The following MGAT4C variants were observed in gnomAD, a reference collection of about 807,000 sequenced individuals.
MGAT4C encodes the protein alpha-1,3-mannosyl-glycoprotein 4-beta-N-acetylglucosaminyltransferase C.
A neutral mutation model predicts 40.1 loss-of-function variants in MGAT4C; 19 were observed. The observed-to-expected ratio is 0.47, with a 90% CI of 0.33 to 0.70. MGAT4C has a LOEUF of 0.70. MGAT4C is among the 30% of genes least tolerant of loss of function. The pLI is 0.02. For synonymous variants in MGAT4C, 181 were observed against 187.1 expected, an observed-to-expected ratio of 0.97 and a Z score of 0.27; for missense variants, 491 against 563.2, an observed-to-expected ratio of 0.87 and a Z score of 1.30.
Position 85,958,903 on chromosome 12 carries a change from C to T in MGAT4C, c.*20386G>A, listed in dbSNP as rs1361872630. 2 of 151,770 alleles carry T rather than the reference C, an allele frequency of 1.3e-5. No homozygotes were observed. Among genetic ancestry groups the T allele is most frequent in the Non-Finnish European group, 2.9e-5 (2 of 67,944 alleles). 9.4% of individuals were successfully genotyped at this position (151,770 alleles called of 1,614,324 possible). The stretch of plus-strand genomic sequence containing the variant: ...ATTAAGTTGTATAAAATTTTACAAA[C>T]TTTATATTTTTGCATACACTTATCT... On this transcript the variant is annotated 3_prime_UTR_variant, in exon 5 of 5. Coordinates refer to ENST00000611864, the MANE Select transcript of MGAT4C (RefSeq NM_001351288.2).
chr12:86,004,037 CT>C (rs1233276910), intron 2 of MGAT4C, among the ~76,000 whole-genome samples: 1 of 152,050 alleles, frequency 6.6e-6, no homozygotes, highest in African/African-American at 2.4e-5. Flanking sequence ...ACAGTGTTGC[CT>C]TTTCAAAACA....
chr12:86,682,739 T>C (rs552856831), intron 2 of MGAT4C, among the ~76,000 whole-genome samples: 1 of 152,234 alleles, frequency 6.6e-6, no homozygotes, highest in Admixed American at 6.5e-5. Flanking sequence ...GAATAAATGA[T>C]TCCACAGCCC....
At chr12:86,400,957 C>CT (rs1956346774) in intron 3 of MGAT4C, among the ~76,000 whole-genome samples, 1 of 152,050 alleles carries the variant, frequency 6.6e-6, no homozygotes, top group Admixed American at 6.6e-5. Context: ...GTAGAATGAT[C>CT]TCACAGAAAA....
At chr12:86,613,113 A>G (rs1170545167) in intron 2 of MGAT4C, among the ~76,000 whole-genome samples, 1 of 152,178 alleles carries the variant, frequency 6.6e-6, no homozygotes, top group African/African-American at 2.4e-5. Flanking sequence ...CTACAATTAT[A>G]TATCTAAATT....
At chr12:86,502,620 T>C (rs1958369673) in intron 2 of MGAT4C, among the ~76,000 whole-genome samples, 1 of 16,356 alleles carries the variant, frequency 6.1e-5, no homozygotes, top group African/African-American at 1.0e-4. Context: ...TATATATGTA[T>C]ATATATATAT....
chr12:86,439,883 G>A lies in MGAT4C; in HGVS notation c.-228-4618C>T, dbSNP rs371375437. 4.9e-4 allele frequency among the ~76,000 whole-genome samples: 74 copies of A among 152,150 alleles called. 1 individual carries two copies. In the East Asian group the frequency reaches 0.013, roughly 27 times the overall value. On this transcript the variant is annotated intron_variant, in intron 2 of 7. Transcript: ENST00000548651. Reference sequence around the variant, plus strand: ...CAAACTAGAAAGTCCAGAGGAAGTGGATAAATTCCTGAAAACATACAACCC... The same window carrying A: ...CAAACTAGAAAGTCCAGAGGAAGTGAATAAATTCCTGAAAACATACAACCC...
chr12:86,775,225 A>G (rs974457524), intron 1 of MGAT4C, among the ~76,000 whole-genome samples: 10 of 152,238 alleles, frequency 6.6e-5, no homozygotes, highest in African/African-American at 2.4e-4. Context: ...TAACTTGGAC[A>G]TGTTTACAAA....
chr12:85,974,706 C>G lies in MGAT4C; in HGVS notation c.*4583G>C, dbSNP rs899139581. ...TTAAAAGCAAACAAAAAATAAATGG[C>G]AATAACTAATCACATTGAATTTTGT... On this transcript the variant is annotated 3_prime_UTR_variant, in exon 5 of 5. Transcript: ENST00000611864. 3 of 150,346 alleles carry G rather than the reference C, an allele frequency of 2.0e-5. No homozygotes were observed. The highest frequency in any genetic ancestry group is 1.9e-4 in the East Asian group (1 of 5,180). The allele number at this position is 150,346 out of a possible 1,614,324, so 9.3% of individuals were successfully genotyped here. A position where few individuals can be genotyped will look rare whatever the true frequency, so the allele number is the denominator to read the frequency against.
At chr12:86,169,665 T>C (rs1174725918) in intron 1 of MGAT4C, among the ~76,000 whole-genome samples, 1 of 152,104 alleles carries the variant, frequency 6.6e-6, no homozygotes, top group African/African-American at 2.4e-5. Flanking sequence ...AGCAGATGCT[T>C]CACAGGTGAC....
At chr12:86,044,480 T>A (rs1892194156) in intron 2 of MGAT4C, among the ~76,000 whole-genome samples, 1 of 152,084 alleles carries the variant, frequency 6.6e-6, no homozygotes, top group African/African-American at 2.4e-5. Flanking sequence ...AGGGGATGCA[T>A]GCACACACAT....
chr12:86,189,743 A>AAAGTTGGTTTT, intron 1 of MGAT4C, among the ~76,000 whole-genome samples: 1 of 152,158 alleles, frequency 6.6e-6, no homozygotes, highest in South Asian at 2.1e-4. Context: ...CAAAACAAAA[A>AAAGTTGGTTTT]CTAAAAACCA....
At chr12:86,643,509 T>C (rs1295892731) in intron 2 of MGAT4C, among the ~76,000 whole-genome samples, 1 of 151,870 alleles carries the variant, frequency 6.6e-6, no homozygotes, top group African/African-American at 2.4e-5. Flanking sequence ...TATTGATCTA[T>C]AAAAATGAAC....
intron 1 of MGAT4C, among the ~76,000 whole-genome samples, chr12:86,782,683 A>C (rs977359319): frequency 6.6e-6 from 1 of 152,056 alleles, no homozygotes; most frequent in Admixed American, 6.5e-5. Context: ...GCCTTTAAGG[A>C]GATAATTATG....
intron 1 of MGAT4C, among the ~76,000 whole-genome samples, chr12:86,751,414 A>G (rs1951229938): frequency 6.6e-6 from 1 of 151,992 alleles, no homozygotes; most frequent in South Asian, 2.1e-4. Flanking sequence ...AAAATCCAAT[A>G]TCCTATGAAG....
intron 1 of MGAT4C, among the ~76,000 whole-genome samples, chr12:86,144,304 T>G (rs893310331): frequency 6.6e-6 from 1 of 152,216 alleles, no homozygotes; most frequent in Admixed American, 6.5e-5. Context: ...GTAAAATATT[T>G]CTTTTTACCA....
chr12:86,749,791 C>T (rs1181928070), intron 1 of MGAT4C, among the ~76,000 whole-genome samples: 1 of 151,694 alleles, frequency 6.6e-6, no homozygotes. Context: ...GGCTTTTCTT[C>T]AGTAAATAGA....
At chr12:86,196,170 T>C in intron 1 of MGAT4C, among the ~76,000 whole-genome samples, 1 of 152,218 alleles carries the variant, frequency 6.6e-6, no homozygotes, top group Admixed American at 6.5e-5. Flanking sequence ...CCTTGGTTTG[T>C]AGAAAGCACC....
At chr12:86,753,870 A>T (rs989345723) in intron 1 of MGAT4C, among the ~76,000 whole-genome samples, 7 of 152,102 alleles carry the variant, frequency 4.6e-5, no homozygotes, top group Non-Finnish European at 8.8e-5. Flanking sequence ...AAGTGTTGAA[A>T]AGAATGTGAA....
chr12:86,268,200 C>T (rs917220975), intron 4 of MGAT4C, among the ~76,000 whole-genome samples: 1 of 152,096 alleles, frequency 6.6e-6, no homozygotes, highest in South Asian at 2.1e-4. Flanking sequence ...CTCACCATCT[C>T]ATTCAGCCTA....
Sources: gnomAD v4.1 joint callset for allele counts (sites outside exome capture counted in the v4.1 genomes callset) on GRCh38, gnomAD v4.1.1 for gene constraint, MANE v1.5 for transcripts, NCBI Gene and HGNC (gene_info 2026-07-23, HGNC 2026-07-21) for gene names.